The following ZNF793 variants were observed in gnomAD, a reference collection of about 807,000 sequenced individuals.
ZNF793 encodes zinc finger protein 793.
ZNF793 carries 5 observed loss-of-function variants against 12.4 expected under a neutral mutation model. The ratio of observed to expected loss-of-function variants is 0.40; its 90% confidence interval spans 0.21 to 0.84. The LOEUF is 0.84. ZNF793 is among the 40% of genes least tolerant of loss of function. ZNF793 has a pLI of 0.35. For missense variants in ZNF793, 456 were observed against 495.0 expected (o/e 0.92, Z 0.75); for synonymous variants, 162 against 172.4 (o/e 0.94, Z 0.47).
In ZNF793 at chr19:37,537,074, G is replaced by A; in HGVS notation, c.416G>A (p.Trp139Ter). 1 of 1,613,738 alleles carries A rather than the reference G, an allele frequency of 6.2e-7. No homozygotes were observed. The highest frequency in any genetic ancestry group is 8.5e-7 in the Non-Finnish European group (1 of 1,179,792). Residue 139 changes from tryptophan (W) to a stop codon, truncating the protein, a stop_gained, in exon 8 of 8, where the codon TGG (tryptophan) becomes TAG (stop). Transcript: ENST00000627814. LOFTEE classifies it low-confidence loss of function (END_TRUNC). ...TCTTCAATCCAGAGCCCTAGTAACT[G>A]GAACCCTTGTGGAAAGAATTTGAAC... The part of the protein sequence containing the change: ...LFSSIQSPSN[W>*]NPCGKNLNHN...
At chr19:37,530,988 G>A (rs2042455510) in intron 5 of ZNF793, among the ~76,000 whole-genome samples, 2 of 152,166 alleles carry the variant, frequency 1.3e-5, no homozygotes, top group East Asian at 1.9e-4. Flanking sequence ...TATGATTTTA[G>A]TGGTTACTTC....
chr19:37,515,599 C>T (rs528206963), intron 2 of ZNF793, among the ~76,000 whole-genome samples: 62 of 152,226 alleles, frequency 4.1e-4, no homozygotes, highest in African/African-American at 1.3e-3. Context: ...TGAGCCACCG[C>T]GCCCAGCCTG....
intron 2 of ZNF793, among the ~76,000 whole-genome samples, chr19:37,515,013 A>G (rs1288969212): frequency 6.6e-6 from 1 of 152,256 alleles, no homozygotes; most frequent in Non-Finnish European, 1.5e-5. Flanking sequence ...GTCTCAAGTG[A>G]AAAGTCAGTA....
intron 2 of ZNF793, among the ~76,000 whole-genome samples, chr19:37,511,313 C>T (rs985395937): frequency 3.3e-5 from 5 of 152,168 alleles, no homozygotes; most frequent in Admixed American, 1.3e-4. Context: ...ATCATATAAA[C>T]GTGAAGCCAA....
chr19:37,511,505 T>C (rs2042294440), intron 2 of ZNF793, among the ~76,000 whole-genome samples: 1 of 152,026 alleles, frequency 6.6e-6, no homozygotes, highest in South Asian at 2.1e-4. Flanking sequence ...AACCCATCTC[T>C]ACTAAAAATA....
In ZNF793 at chr19:37,518,115, C is replaced by CATT. The variant is rs544791122; in HGVS notation, c.-275-2047_-275-2045dup. Among the ~76,000 whole-genome samples the CATT allele has an allele frequency of 8.0e-3, 1,210 of 151,188 alleles. 7 individuals are homozygous for CATT. Among genetic ancestry groups the CATT allele is most frequent in the South Asian group, 0.025 (118 of 4,780 alleles). ...AGTTCCAAGTCGGAGTACACCACTCCATTATTATTATTATTATTATTATTT... is the reference window on the plus strand; with the variant it reads ...AGTTCCAAGTCGGAGTACACCACTCCATTATTATTATTATTATTATTATTATTT... On this transcript the variant is annotated intron_variant, in intron 2 of 7. Coordinates refer to ENST00000627814, the MANE Select transcript of ZNF793 (RefSeq NM_001013659.3).
chr19:37,532,537 T>C, intron 6 of ZNF793, 55 bp downstream of exon 6: 1 of 1,504,994 alleles, frequency 6.6e-7, no homozygotes, highest in Non-Finnish European at 8.9e-7. Context: ...CACCTTTCCT[T>C]TCTCAGTTGC....
chr19:37,534,998 T>G (rs1375362243), intron 7 of ZNF793: 1 of 151,810 alleles, frequency 6.6e-6, no homozygotes, highest in Non-Finnish European at 1.5e-5. Context: ...TCCACTTTTT[T>G]TTGTTGTTAT....
chr19:37,518,159 T>G (rs1270985788), intron 2 of ZNF793, among the ~76,000 whole-genome samples: 4 of 152,116 alleles, frequency 2.6e-5, no homozygotes, highest in Non-Finnish European at 4.4e-5. Context: ...AGAGTCTCGC[T>G]CTGTCGCCCA....
intron 5 of ZNF793, among the ~76,000 whole-genome samples, chr19:37,525,775 C>T (rs2042410925): frequency 6.6e-6 from 1 of 152,144 alleles, no homozygotes; most frequent in Non-Finnish European, 1.5e-5. Context: ...TGTACAGAAG[C>T]CCTGAATTTG....
At chr19:37,520,451 A>G (rs35014847) in intron 3 of ZNF793, 139 bp downstream of exon 3, 22,845 of 152,176 alleles carry the variant, frequency 0.15, 1,769 homozygotes, top group South Asian at 0.25. Flanking sequence ...CAGAGCAAAG[A>G]CTCCCACATA....
At chr19:37,509,631 T>A (rs2042277697) in intron 2 of ZNF793, among the ~76,000 whole-genome samples, 1 of 152,128 alleles carries the variant, frequency 6.6e-6, no homozygotes, top group South Asian at 2.1e-4. Flanking sequence ...TAAGCCAGGG[T>A]AAGGAGTTTG....
At chr19:37,530,609 C>T (rs1292275762) in intron 5 of ZNF793, among the ~76,000 whole-genome samples, 1 of 152,096 alleles carries the variant, frequency 6.6e-6, no homozygotes, top group Admixed American at 6.6e-5. Context: ...TGAGTTGACC[C>T]AGCACATGTT....
At chr19:37,507,187 T>C (rs1317650167) in intron 1 of ZNF793, 1 of 152,800 alleles carries the variant, frequency 6.5e-6, no homozygotes, top group Non-Finnish European at 1.5e-5. Flanking sequence ...GGGGCCTCAG[T>C]GGTGGCGGAC....
At chr19:37,516,537 T>G (rs1600407110) in intron 2 of ZNF793, among the ~76,000 whole-genome samples, 2 of 152,302 alleles carry the variant, frequency 1.3e-5, no homozygotes, top group Admixed American at 1.3e-4. Context: ...TAAGGGTGTG[T>G]AAGTCACAAT....
At chr19:37,508,680 C>G (rs35864326) in intron 2 of ZNF793, among the ~76,000 whole-genome samples, 67,385 of 151,698 alleles carry the variant, frequency 0.44, 15,581 homozygotes, top group Non-Finnish European at 0.51. Flanking sequence ...CACTCCAGCC[C>G]GGGTGACAGA....
intron 5 of ZNF793, among the ~76,000 whole-genome samples, chr19:37,530,264 C>T (rs1177548843): frequency 2.0e-5 from 3 of 152,068 alleles, no homozygotes; most frequent in South Asian, 2.1e-4. Flanking sequence ...TGCCCAGGGA[C>T]GGGCAGGAGA....
At chr19:37,507,055 C>T (rs1351817157) in intron 1 of ZNF793, 89 bp downstream of exon 1, 1 of 152,234 alleles carries the variant, frequency 6.6e-6, no homozygotes, top group East Asian at 1.9e-4. Flanking sequence ...ACGGTCAAAC[C>T]TGGGACTAGT....
chr19:37,525,057 C>T (rs191389687), intron 5 of ZNF793, among the ~76,000 whole-genome samples: 3 of 152,058 alleles, frequency 2.0e-5, no homozygotes, highest in South Asian at 2.1e-4. Context: ...CTGTTGCTTG[C>T]GATCCACATA....
Sources: allele counts gnomAD v4.1 joint callset (sites outside exome capture counted in the v4.1 genomes callset), GRCh38; gene constraint gnomAD v4.1.1; transcripts MANE v1.5; gene names NCBI Gene and HGNC (gene_info 2026-07-23, HGNC 2026-07-21).